Variants in PTPRR observed in about 807,000 individuals in gnomAD.
PTPRR encodes the protein receptor-type tyrosine-protein phosphatase R.
In PTPRR, 38 loss-of-function variants were observed where a neutral mutation model predicts 77.2. That is an observed-to-expected ratio of 0.49 (90% CI 0.38 to 0.65). The LOEUF is 0.65. PTPRR is among the 30% of genes least tolerant of loss of function. The pLI, the probability that PTPRR is intolerant of heterozygous loss-of-function variation, is 0.00. For synonymous variants in PTPRR, 299 were observed against 283.1 expected (o/e 1.06, Z -0.57); for missense variants, 744 against 799.2 (o/e 0.93, Z 0.83).
chr12:70,844,412 G>A (rs1892449730), intron 2 of PTPRR, among the ~76,000 whole-genome samples: 1 of 152,156 alleles, frequency 6.6e-6, no homozygotes, highest in Non-Finnish European at 1.5e-5. Flanking sequence ...TTGAATTCAA[G>A]TAGTCAACCT....
chr12:70,672,801 G>A (rs1303526747), intron 10 of PTPRR: 2 of 1,564,646 alleles, frequency 1.3e-6, no homozygotes, highest in Admixed American at 3.4e-5. Context: ...TTCTCAAGAA[G>A]GGAGATGAAG....
At chr12:70,726,580 AATT>A (rs1205479261) in intron 6 of PTPRR, among the ~76,000 whole-genome samples, 5 of 93,384 alleles carry the variant, frequency 5.4e-5, no homozygotes, top group South Asian at 4.8e-4. Context: ...GTCTGCATTT[AATT>A]TTTTTTTTTT....
chr12:70,643,543 T>C (rs1301645263), intron 13 of PTPRR, among the ~76,000 whole-genome samples: 1 of 152,128 alleles, frequency 6.6e-6, no homozygotes, highest in Non-Finnish European at 1.5e-5. Context: ...ACAGTGTCTG[T>C]ATACAAAATA....
Position 70,688,069 on chromosome 12 carries a change from A to C in PTPRR, c.1280-3286T>G, listed in dbSNP as rs1191449083. 2.0e-5 allele frequency among the ~76,000 whole-genome samples: 3 copies of C among 152,204 alleles called. No individual in the cohort carries two copies. The East Asian group carries it at 5.8e-4, about 29-fold the overall frequency. ...CAGGGGCAGACTGACCCTCACTTGC[A>C]TGAGCCATTTTCAATAAGAACCTTG... is the stretch of plus-strand genomic sequence containing the variant. On this transcript the variant is annotated intron_variant, in intron 8 of 13. Transcript: ENST00000283228.
chr12:70,697,564 T>TA (rs1888272529), intron 8 of PTPRR, among the ~76,000 whole-genome samples: 1 of 152,164 alleles, frequency 6.6e-6, no homozygotes, highest in South Asian at 2.1e-4. Flanking sequence ...TTTTTAGTAT[T>TA]AATGAAGTTC....
intron 2 of PTPRR, among the ~76,000 whole-genome samples, chr12:70,857,928 G>T (rs1892681140): frequency 6.6e-6 from 1 of 152,082 alleles, no homozygotes; most frequent in African/African-American, 2.4e-5. Flanking sequence ...GGCAGCCATG[G>T]GGTTGTGCTG....
At chr12:70,829,879 G>A (rs1009564560) in intron 2 of PTPRR, among the ~76,000 whole-genome samples, 1 of 152,130 alleles carries the variant, frequency 6.6e-6, no homozygotes, top group South Asian at 2.1e-4. Context: ...GCTTTATAAG[G>A]TGCTTCCTAA....
At chr12:70,906,224 TCTC>T (rs1273879300) in intron 1 of PTPRR, among the ~76,000 whole-genome samples, 2 of 151,992 alleles carry the variant, frequency 1.3e-5, no homozygotes, top group African/African-American at 2.4e-5. Context: ...GCCTCAGTCT[TCTC>T]ATCAGAAAAT....
At chr12:70,672,553 AC>A in intron 10 of PTPRR, 1 of 1,344,514 alleles carries the variant, frequency 7.4e-7, no homozygotes, top group African/African-American at 1.4e-5. Context: ...AACCTTCAAC[AC>A]CTTCTACCCT....
chr12:70,763,136 CT>C (rs201540697), intron 3 of PTPRR, among the ~76,000 whole-genome samples: 2 of 149,754 alleles, frequency 1.3e-5, no homozygotes, highest in Non-Finnish European at 3.0e-5. Flanking sequence ...GACTTTTTTT[CT>C]TTTTTTTTGA....
intron 1 of PTPRR, among the ~76,000 whole-genome samples, chr12:70,906,646 T>C (rs745583152): frequency 2.6e-5 from 4 of 152,122 alleles, no homozygotes; most frequent in Admixed American, 6.6e-5. Context: ...AAGCCAGTTT[T>C]ACAGAATTCA....
intron 6 of PTPRR, among the ~76,000 whole-genome samples, chr12:70,705,787 C>T (rs972502928): frequency 4.0e-5 from 6 of 151,188 alleles, no homozygotes; most frequent in African/African-American, 9.8e-5. Flanking sequence ...TTAGTGTACA[C>T]GTCAAATCTT....
chr12:70,812,879 C>T (rs1057172123), intron 2 of PTPRR, among the ~76,000 whole-genome samples: 1 of 152,144 alleles, frequency 6.6e-6, no homozygotes, highest in Admixed American at 6.5e-5. Context: ...GAAAATTGTA[C>T]CCCTGGCTTT....
intron 8 of PTPRR, 101 bp downstream of exon 8, chr12:70,698,164 G>C (rs563448992): frequency 1.1e-5 from 10 of 933,774 alleles, no homozygotes; most frequent in Middle Eastern, 2.9e-4. Flanking sequence ...GTTTGCTTTT[G>C]CTGCATCCAT....
intron 2 of PTPRR, among the ~76,000 whole-genome samples, chr12:70,790,783 A>G (rs1163846328): frequency 6.6e-6 from 1 of 152,128 alleles, no homozygotes; most frequent in Non-Finnish European, 1.5e-5. Context: ...CGGAGGTTGC[A>G]GTGAGCCAAG....
chr12:70,869,460 G>A (rs1269275212), intron 2 of PTPRR, among the ~76,000 whole-genome samples: 1 of 152,196 alleles, frequency 6.6e-6, no homozygotes, highest in Non-Finnish European at 1.5e-5. Flanking sequence ...TATCCATGGA[G>A]AAATCAACAG....
At chr12:70,699,734 T>C (rs544951749) in intron 7 of PTPRR, among the ~76,000 whole-genome samples, 46 of 152,334 alleles carry the variant, frequency 3.0e-4, no homozygotes, top group African/African-American at 1.1e-3. Flanking sequence ...GTTATAAAAA[T>C]AAGCAAAATT....
intron 5 of PTPRR, among the ~76,000 whole-genome samples, chr12:70,747,800 A>C (rs1231237687): frequency 6.6e-6 from 1 of 152,212 alleles, no homozygotes; most frequent in Non-Finnish European, 1.5e-5. Flanking sequence ...TATGATGTAT[A>C]TAAGATAGTG....
intron 13 of PTPRR, among the ~76,000 whole-genome samples, chr12:70,650,920 C>T (rs568223446): frequency 1.3e-5 from 2 of 152,328 alleles, no homozygotes; most frequent in East Asian, 3.8e-4. Flanking sequence ...ATACCTCTCA[C>T]CTTCTTGTGC....
Sources: gnomAD v4.1 joint callset for allele counts (sites outside exome capture counted in the v4.1 genomes callset) on GRCh38, gnomAD v4.1.1 for gene constraint, MANE v1.5 for transcripts, NCBI Gene and HGNC (gene_info 2026-07-23, HGNC 2026-07-21) for gene names.